HNRNPUL1: variants seen among roughly 807,000 people sequenced by gnomAD.
HNRNPUL1 encodes heterogeneous nuclear ribonucleoprotein U like 1.
HNRNPUL1 carries 14 observed loss-of-function variants against 108.5 expected under a neutral mutation model. That is an observed-to-expected ratio of 0.13 (90% CI 0.09 to 0.20). HNRNPUL1 has a LOEUF of 0.20. HNRNPUL1 is among the 10% of genes least tolerant of loss of function. The pLI, the probability that HNRNPUL1 is intolerant of heterozygous loss-of-function variation, is 1.00. For missense variants in HNRNPUL1, 804 were observed against 1,168.3 expected (o/e 0.69, Z 4.55); for synonymous variants, 422 against 445.2 (o/e 0.95, Z 0.66).
chr19:41,276,184 G>C lies in HNRNPUL1; in HGVS notation c.672G>C (p.Val224=). ...ATAACTGCGACCTCCACTTCAAGGTGGCCCGAGATCGGAGTAGTGGCTATC... is the reference window on the plus strand; with the variant it reads ...ATAACTGCGACCTCCACTTCAAGGTCGCCCGAGATCGGAGTAGTGGCTATC... ...DTYNCDLHFK[V]ARDRSSGYPL... The change falls in exon 5 of 15, where the codon GTG becomes GTC. Residue 224 remains valine (V), a synonymous_variant. Coordinates refer to ENST00000392006, the MANE Select transcript of HNRNPUL1 (RefSeq NM_007040.6). 1 of 1,613,982 alleles carries C rather than the reference G, an allele frequency of 6.2e-7. No homozygotes were observed. Among genetic ancestry groups the C allele is most frequent in the Non-Finnish European group, 8.5e-7 (1 of 1,180,020 alleles).
intron 1 of HNRNPUL1, chr19:41,265,129 G>T: frequency 2.1e-6 from 3 of 1,416,594 alleles, no homozygotes; most frequent in Non-Finnish European, 2.7e-6. Flanking sequence ...GAGGTTTTCC[G>T]TTTGGGTTGG....
intron 1 of HNRNPUL1, chr19:41,265,492 G>A: frequency 9.6e-7 from 1 of 1,036,748 alleles, no homozygotes; most frequent in Non-Finnish European, 1.3e-6. Context: ...TTCCGGGGCT[G>A]GAAGGCCACC....
At chr19:41,270,593 C>CTTTTTT (rs71177707) in intron 2 of HNRNPUL1, among the ~76,000 whole-genome samples, 6 of 118,830 alleles carry the variant, frequency 5.0e-5, no homozygotes, top group African/African-American at 1.7e-4. Flanking sequence ...TCTCCCTTCC[C>CTTTTTT]TTTTTTTTTT....
At chr19:41,268,098 G>A in intron 1 of HNRNPUL1, 125 bp from the exon 2 acceptor site, 1 of 912,042 alleles carries the variant, frequency 1.1e-6, no homozygotes, top group Non-Finnish European at 1.6e-6. Context: ...GCCATGAATA[G>A]TTAATATTAT....
At chr19:41,276,407 C>A in intron 5 of HNRNPUL1, 109 bp downstream of exon 5, 1 of 1,201,742 alleles carries the variant, frequency 8.3e-7, no homozygotes, top group South Asian at 1.6e-5. Context: ...TTGGATTGTG[C>A]AATACCATGT....
intron 6 of HNRNPUL1, 99 bp downstream of exon 6, chr19:41,279,275 GA>G (rs1458904683): frequency 3.7e-6 from 3 of 803,664 alleles, no homozygotes; most frequent in Non-Finnish European, 6.3e-6. Context: ...GTCAGACTTA[GA>G]ATAGAACTAG....
chr19:41,296,221 C>T (rs1040807629), intron 10 of HNRNPUL1, among the ~76,000 whole-genome samples: 1 of 152,174 alleles, frequency 6.6e-6, no homozygotes, highest in African/African-American at 2.4e-5. Flanking sequence ...TAGAGTGGAT[C>T]GTCTAACATC....
chr19:41,280,406 A>G (rs906093135), intron 6 of HNRNPUL1, among the ~76,000 whole-genome samples: 1 of 152,082 alleles, frequency 6.6e-6, no homozygotes, highest in African/African-American at 2.4e-5. Context: ...AAAAGTATAC[A>G]GTTTTCATTT....
At chr19:41,283,373 G>A (rs1425075674) in intron 7 of HNRNPUL1, among the ~76,000 whole-genome samples, 2 of 151,686 alleles carry the variant, frequency 1.3e-5, no homozygotes, top group South Asian at 2.1e-4. Context: ...CTCCGCCTCC[G>A]GGGTTCAAGT....
intron 6 of HNRNPUL1, 124 bp downstream of exon 6, chr19:41,279,300 A>T: frequency 1.5e-6 from 1 of 664,524 alleles, no homozygotes. Flanking sequence ...GAAGTGGAAC[A>T]GGTACAAGGA....
At chr19:41,278,999 A>G in intron 5 of HNRNPUL1, 78 bp from the exon 6 acceptor site, 1 of 952,298 alleles carries the variant, frequency 1.1e-6, no homozygotes, top group Non-Finnish European at 1.7e-6. Flanking sequence ...AATGCCTGAT[A>G]TGCTTCCCTC....
chr19:41,304,365 C>T (rs2037422108), intron 13 of HNRNPUL1, 104 bp downstream of exon 13: 2 of 1,506,850 alleles, frequency 1.3e-6, no homozygotes, highest in Non-Finnish European at 1.8e-6. Context: ...CATGCCCCAG[C>T]TACTGGTCTT....
At chr19:41,305,994 A>T in intron 14 of HNRNPUL1, 127 bp downstream of exon 14, 1 of 666,224 alleles carries the variant, frequency 1.5e-6, no homozygotes, top group South Asian at 1.9e-5. Flanking sequence ...CCTGGCGTTC[A>T]TCTGGTGCAG....
At chr19:41,288,097 G>T (rs1038013404) in intron 7 of HNRNPUL1, among the ~76,000 whole-genome samples, 5 of 151,694 alleles carry the variant, frequency 3.3e-5, no homozygotes, top group African/African-American at 9.7e-5. Flanking sequence ...GAATGTAAAA[G>T]GGGATACAGT....
chr19:41,272,667 G>A (rs766441614), intron 3 of HNRNPUL1, among the ~76,000 whole-genome samples: 2 of 152,212 alleles, frequency 1.3e-5, no homozygotes, highest in Non-Finnish European at 2.9e-5. Flanking sequence ...CTGGACACTA[G>A]CAACATACAG....
chr19:41,293,191 T>A (rs1480323872), intron 8 of HNRNPUL1, among the ~76,000 whole-genome samples: 2 of 152,232 alleles, frequency 1.3e-5, no homozygotes, highest in African/African-American at 4.8e-5. Flanking sequence ...TATTTATGCT[T>A]GTTCTAGAAA....
intron 10 of HNRNPUL1, among the ~76,000 whole-genome samples, chr19:41,297,399 C>T (rs565107467): frequency 2.0e-4 from 31 of 152,184 alleles, no homozygotes; most frequent in African/African-American, 5.8e-4. Flanking sequence ...GGTTTTCATC[C>T]GGAGGAATGT....
At position 41,307,296 on chromosome 19, in the gene HNRNPUL1, T is replaced by G. The variant is rs2037596949; in HGVS notation, c.*731T>G. The G allele has an allele frequency of 6.6e-6, 1 of 152,668 alleles. No individual in the cohort carries two copies. Among genetic ancestry groups the G allele is most frequent in the African/African-American group, 2.4e-5 (1 of 41,454 alleles). 9.5% of individuals were successfully genotyped at this position (152,668 alleles called of 1,614,324 possible). On this transcript the variant is annotated 3_prime_UTR_variant, in exon 15 of 15. Coordinates refer to ENST00000392006, the MANE Select transcript of HNRNPUL1 (RefSeq NM_007040.6). ...ACGATGCCCCAGTTCCCCATAACTTTGCACACAAGCTTCTGTGTTCAGTTG... is the reference window on the plus strand; with the variant it reads ...ACGATGCCCCAGTTCCCCATAACTTGGCACACAAGCTTCTGTGTTCAGTTG...
intron 3 of HNRNPUL1, 43 bp from the exon 4 acceptor site, chr19:41,273,939 C>G: frequency 6.9e-7 from 1 of 1,446,066 alleles, no homozygotes. Context: ...CCTTTGTGCT[C>G]ATCCATTGTT....
Sources: allele counts gnomAD v4.1 joint callset (sites outside exome capture counted in the v4.1 genomes callset), GRCh38; gene constraint gnomAD v4.1.1; transcripts MANE v1.5; gene names NCBI Gene and HGNC (gene_info 2026-07-23, HGNC 2026-07-21).